The following RNF157 variants were observed in gnomAD, a reference collection of about 807,000 sequenced individuals.
RNF157 encodes E3 ubiquitin ligase RNF157.
Under a neutral mutation model 88.3 loss-of-function variants are expected in RNF157, and 55 were observed. The observed-to-expected ratio is 0.62, with a 90% CI of 0.50 to 0.78. The LOEUF (loss-of-function observed/expected upper bound fraction) is 0.78, where lower values mean the gene tolerates loss of function less well. Among genes scored for constraint, RNF157 ranks in the 30% least tolerant of loss-of-function variants. The pLI is 0.00. For missense variants in RNF157, 788 were observed against 860.8 expected (o/e 0.92, Z 1.06); for synonymous variants, 334 against 341.2 (o/e 0.98, Z 0.23).
intron 2 of RNF157, among the ~76,000 whole-genome samples, chr17:76,179,959 G>A (rs2069164573): frequency 6.6e-6 from 1 of 152,118 alleles, no homozygotes; most frequent in African/African-American, 2.4e-5. Flanking sequence ...TCAGCCCTAG[G>A]TCTACTGAGT....
At chr17:76,226,379 T>G in intron 1 of RNF157, 9 of 1,592,760 alleles carry the variant, frequency 5.7e-6, no homozygotes, top group Non-Finnish European at 7.7e-6. Context: ...TTCTGGGAGA[T>G]GGCCAATTGG....
At chr17:76,226,024 G>A (rs537800287) in intron 1 of RNF157, 15 of 1,611,162 alleles carry the variant, frequency 9.3e-6, no homozygotes, top group East Asian at 4.5e-5. Flanking sequence ...CAGGAGGATC[G>A]TAAGGTTTGG....
intron 2 of RNF157, among the ~76,000 whole-genome samples, chr17:76,178,875 T>G (rs1212569074): frequency 2.0e-5 from 3 of 152,212 alleles, no homozygotes; most frequent in Non-Finnish European, 4.4e-5. Context: ...GAGTTGAGGT[T>G]TGAACACGTT....
Position 76,226,624 on chromosome 17 carries a change from C to G in RNF157, c.88+13529G>C. On this transcript the variant is annotated intron_variant, in intron 1 of 18. Coordinates refer to ENST00000269391, the MANE Select transcript of RNF157 (RefSeq NM_052916.3). ...GACTGACCAACCCATCCACAGTCAG[C>G]CATTCGGAGGAGCCCGCCTTAGCCT... 1.9e-6 allele frequency: 3 copies of G among 1,613,254 alleles called. No homozygotes were observed. In the South Asian group the frequency reaches 3.3e-5, roughly 18 times the overall value.
At chr17:76,203,177 G>A (rs1244008237) in intron 2 of RNF157, among the ~76,000 whole-genome samples, 1 of 151,922 alleles carries the variant, frequency 6.6e-6, no homozygotes, top group Non-Finnish European at 1.5e-5. Context: ...TTTTAGTAGA[G>A]ACAGGGTTTC....
chr17:76,230,647 G>A (rs2070170318), intron 1 of RNF157, among the ~76,000 whole-genome samples: 2 of 151,908 alleles, frequency 1.3e-5, no homozygotes, highest in Non-Finnish European at 2.9e-5. Flanking sequence ...AGACCAGCCT[G>A]ACCAACATGG....
At chr17:76,202,126 T>TCACACACACACACACA (rs1174829610) in intron 2 of RNF157, among the ~76,000 whole-genome samples, 1 of 137,716 alleles carries the variant, frequency 7.3e-6, no homozygotes, top group African/African-American at 3.0e-5. Context: ...TCTCTCTCTC[T>TCACACACACACACACA]CTCACACACA....
chr17:76,210,127 GA>G (rs1451466710), intron 2 of RNF157, among the ~76,000 whole-genome samples: 1 of 151,876 alleles, frequency 6.6e-6, no homozygotes, highest in Non-Finnish European at 1.5e-5. Context: ...GGCTCTATCA[GA>G]AAAAAAGAAA....
At chr17:76,234,804 G>C (rs1043657203) in intron 1 of RNF157, among the ~76,000 whole-genome samples, 6 of 152,066 alleles carry the variant, frequency 3.9e-5, no homozygotes, top group African/African-American at 1.4e-4. Flanking sequence ...CCCATTCTCT[G>C]AGTTCTCTCT....
intron 3 of RNF157, among the ~76,000 whole-genome samples, chr17:76,173,006 G>T (rs1042414860): frequency 1.3e-5 from 2 of 152,194 alleles, no homozygotes; most frequent in African/African-American, 4.8e-5. Flanking sequence ...GAAAAAGAAG[G>T]CTGGGCGCGG....
chr17:76,146,575 G>C lies in RNF157; in HGVS notation c.1922-1222C>G, dbSNP rs553408780. On this transcript the variant is annotated intron_variant, in intron 18 of 18. Coordinates refer to ENST00000269391, the MANE Select transcript of RNF157 (RefSeq NM_052916.3). The surrounding 1 kb of genome is among the most constrained non-coding windows in gnomAD (Gnocchi z 4.2). ...CCGGACCCTGTGGGCCTCCCCAGCC[G>C]TGTCTCCCAGTGGCCTCCCCTCACG... 27 of 985,324 alleles carry C rather than the reference G, an allele frequency of 2.7e-5. No homozygotes were observed. The highest frequency in any genetic ancestry group is 2.2e-5 in the Non-Finnish European group (18 of 829,942). The allele number at this position is 985,324 out of a possible 1,614,324, so 61.0% of individuals were successfully genotyped here. A position where few individuals can be genotyped will look rare whatever the true frequency, so the allele number is the denominator to read the frequency against.
Position 76,143,834 on chromosome 17 carries a change from G to C in RNF157, c.*1401C>G, listed in dbSNP as rs1240949353. On this transcript the variant is annotated 3_prime_UTR_variant, in exon 19 of 19. Transcript: ENST00000269391. ...AGCCCAGGCTGGAGTGCAGTGGCAC[G>C]ATCTTGGCTCACCGCAACCTCCACC... 2.6e-5 allele frequency: 4 copies of C among 152,024 alleles called. No individual in the cohort carries two copies. The highest frequency in any genetic ancestry group is 9.7e-5 in the African/African-American group (4 of 41,322). The allele number at this position is 152,024 out of a possible 1,614,324, so 9.4% of individuals were successfully genotyped here.
chr17:76,240,172 G>T lies in RNF157; in HGVS notation c.69C>A (p.Tyr23Ter). The T allele has an allele frequency of 7.2e-7, 1 of 1,388,592 alleles. No individual in the cohort carries two copies. The highest frequency in any genetic ancestry group is 9.5e-7 in the Non-Finnish European group (1 of 1,057,334). The allele number at this position is 1,388,592 out of a possible 1,614,324, so 86.0% of individuals were successfully genotyped here. A position where few individuals can be genotyped will look rare whatever the true frequency, so the allele number is the denominator to read the frequency against. Residue 23 changes from tyrosine to a stop codon, truncating the protein, a stop_gained, in exon 1 of 19, where the codon TAC becomes TAA. Coordinates refer to ENST00000269391, the MANE Select transcript of RNF157 (RefSeq NM_052916.3). LOFTEE classifies it high-confidence loss of function. This position sits in a 1 kb window ranked among gnomAD's most constrained non-coding sequence, Gnocchi z 4.4. Reference protein sequence around the residue: ...EEVDIPSNSVYRYPPKSGSYF... With the variant: ...EEVDIPSNSV ...CCTCACCGGACTTGGGCGGGTAGCG[G>T]TACACGGAATTAGACGGGATGTCCA...
At chr17:76,185,939 C>T (rs2144925421) in intron 2 of RNF157, among the ~76,000 whole-genome samples, 1 of 152,092 alleles carries the variant, frequency 6.6e-6, no homozygotes, top group East Asian at 1.9e-4. Flanking sequence ...GAAGCAAGCA[C>T]CAGTATCAGA....
rs187993129 is a variant in RNF157 at position 76,159,342 on chromosome 17, G to C, written c.1297C>G (p.Leu433Val). The C allele has an allele frequency of 2.5e-6, 4 of 1,612,908 alleles. No homozygotes were observed. Among genetic ancestry groups the C allele is most frequent in the Admixed American group, 3.3e-5 (2 of 59,862 alleles). ...GGAGCACTGGCTACTCACTTGGAGA[G>C]ACTCTTTTTGAGTTTGAGTCCCTGA... is the stretch of plus-strand genomic sequence containing the variant. ...SSQGLKLKKS[L>V]SKSTSQNSSV... The change falls in exon 12 of 19, where the codon CTC (leucine) becomes GTC (valine). Residue 433 changes from leucine to valine, a missense_variant. Leu to Val is a conservative substitution (Grantham distance 32, BLOSUM62 1). Coordinates refer to ENST00000269391, the MANE Select transcript of RNF157 (RefSeq NM_052916.3).
intron 2 of RNF157, among the ~76,000 whole-genome samples, chr17:76,210,248 G>C (rs1431508309): frequency 6.6e-6 from 1 of 152,110 alleles, no homozygotes; most frequent in Non-Finnish European, 1.5e-5. Flanking sequence ...TTGGTATTTT[G>C]AAAAGTGTAC....
At chr17:76,187,578 T>C (rs754841953) in intron 2 of RNF157, among the ~76,000 whole-genome samples, 7 of 151,738 alleles carry the variant, frequency 4.6e-5, no homozygotes, top group South Asian at 2.1e-4. Flanking sequence ...ATATACCTGA[T>C]AGTTTTATTT....
rs1345855463 is a variant in RNF157 at position 76,176,995 on chromosome 17, CCA to C, written c.208-3207_208-3206del. ...CCAGGTCTGCCCCACATTGGGGTGA[CCA>C]CTGAGCCTGACACTCCTGGGCAGAT... On this transcript the variant is annotated intron_variant, in intron 2 of 18. Transcript: ENST00000269391. The surrounding 1 kb of genome is among the most constrained non-coding windows in gnomAD (Gnocchi z 4.2). Among the ~76,000 whole-genome samples, 7 of 152,144 alleles carry C rather than the reference CCA, an allele frequency of 4.6e-5. No individual in the cohort carries two copies. The highest frequency in any genetic ancestry group is 1.7e-4 in the African/African-American group (7 of 41,446).
chr17:76,170,226 C>A (rs370254190), intron 3 of RNF157, among the ~76,000 whole-genome samples: 1 of 151,934 alleles, frequency 6.6e-6, no homozygotes, highest in African/African-American at 2.4e-5. Context: ...TGCCAGGATC[C>A]ACTCACCTGC....
Sources: allele counts gnomAD v4.1 joint callset (sites outside exome capture counted in the v4.1 genomes callset), GRCh38; gene constraint gnomAD v4.1.1; non-coding constraint Gnocchi (gnomAD v3.1); transcripts MANE v1.5; gene names NCBI Gene and HGNC (gene_info 2026-07-23, HGNC 2026-07-21).